TBC1D1: variants seen among roughly 807,000 people sequenced by gnomAD.
TBC1D1 encodes the protein TBC1 (tre-2/USP6, BUB2, cdc16) domain family, member 1.
Under a neutral mutation model 125.6 loss-of-function variants are expected in TBC1D1, and 89 were observed. The observed-to-expected ratio is 0.71, with a 90% CI of 0.60 to 0.85. The LOEUF (loss-of-function observed/expected upper bound fraction) is 0.85, where lower values mean the gene tolerates loss of function less well. Ranked by LOEUF, TBC1D1 falls within the 40% of genes least tolerant of loss-of-function variation. TBC1D1 has a pLI of 0.00. For missense variants in TBC1D1, 1,377 were observed against 1,469.2 expected, an observed-to-expected ratio of 0.94 and a Z score of 1.03; for synonymous variants, 565 against 564.1, an observed-to-expected ratio of 1.00 and a Z score of -0.02.
intron 8 of TBC1D1, among the ~76,000 whole-genome samples, chr4:38,042,983 C>T (rs898962428): frequency 2.6e-5 from 4 of 152,036 alleles, no homozygotes; most frequent in Admixed American, 1.3e-4. Context: ...CTCACTGCAA[C>T]CTCCGGCTTC....
At chr4:38,007,974 T>C (rs1264125887) in intron 2 of TBC1D1, among the ~76,000 whole-genome samples, 1 of 152,182 alleles carries the variant, frequency 6.6e-6, no homozygotes, top group African/African-American at 2.4e-5. Context: ...CTTTGAAAAC[T>C]GCGGGAGTGA....
chr4:38,002,865 T>A (rs1212326816), intron 2 of TBC1D1, among the ~76,000 whole-genome samples: 1 of 152,198 alleles, frequency 6.6e-6, no homozygotes, highest in Non-Finnish European at 1.5e-5. Context: ...GGTGATGTAA[T>A]CAAACTGAAA....
Position 37,995,647 on chromosome 4 carries a change from G to C in TBC1D1, c.418-18862G>C, listed in dbSNP as rs191059031. ...TGTCTTATCTCACTTTTGCACCAAC[G>C]CCTGGTAATCCATTACATGGGTCTC... On this transcript the variant is annotated intron_variant, in intron 2 of 19. Transcript: ENST00000261439. The surrounding 1 kb of genome is among the most constrained non-coding windows in gnomAD (Gnocchi z 4.3). 28 of 509,932 alleles carry C rather than the reference G, an allele frequency of 5.5e-5. No homozygotes were observed. In the Admixed American group the frequency reaches 5.5e-4, roughly 10 times the overall value. 31.6% of individuals were successfully genotyped at this position (509,932 alleles called of 1,614,324 possible).
chr4:38,083,213 G>A (rs1045869148), intron 12 of TBC1D1, among the ~76,000 whole-genome samples: 1 of 152,122 alleles, frequency 6.6e-6, no homozygotes, highest in Non-Finnish European at 1.5e-5. Context: ...GTATATATGA[G>A]ATCACTTTTG....
intron 12 of TBC1D1, among the ~76,000 whole-genome samples, chr4:38,071,172 T>A (rs1320854162): frequency 6.6e-6 from 1 of 152,182 alleles, no homozygotes; most frequent in Non-Finnish European, 1.5e-5. Flanking sequence ...CTCCTGTCCC[T>A]GCTCTTACTG....
chr4:38,066,499 A>G (rs1380800316), intron 12 of TBC1D1, among the ~76,000 whole-genome samples: 1 of 150,802 alleles, frequency 6.6e-6, no homozygotes, highest in Non-Finnish European at 1.5e-5. Flanking sequence ...GCCCTGCTAA[A>G]TGTTTACAGT....
chr4:37,931,587 C>T (rs995174426), intron 2 of TBC1D1, among the ~76,000 whole-genome samples: 2 of 152,034 alleles, frequency 1.3e-5, no homozygotes, highest in South Asian at 4.2e-4. Context: ...AAGCGATTCT[C>T]CTGCCTCAGC....
At chr4:38,100,355 C>T (rs1328850420) in intron 14 of TBC1D1, among the ~76,000 whole-genome samples, 1 of 152,204 alleles carries the variant, frequency 6.6e-6, no homozygotes, top group African/African-American at 2.4e-5. Flanking sequence ...CTTCTGGTGT[C>T]TGTCAGCTTC....
At chr4:38,097,432 C>G (rs111482116) in intron 14 of TBC1D1, among the ~76,000 whole-genome samples, 13,133 of 151,772 alleles carry the variant, frequency 0.087, 649 homozygotes, top group Admixed American at 0.14. Flanking sequence ...CTCTGCCTCC[C>G]GGGTTCACAC....
intron 2 of TBC1D1, among the ~76,000 whole-genome samples, chr4:37,916,980 A>G (rs1425674822): frequency 2.7e-5 from 4 of 150,760 alleles, no homozygotes; most frequent in African/African-American, 7.3e-5. Flanking sequence ...CATGTTGGCC[A>G]GGCTGGTCTT....
At chr4:38,076,123 A>G (rs1230230029) in intron 12 of TBC1D1, among the ~76,000 whole-genome samples, 1 of 152,220 alleles carries the variant, frequency 6.6e-6, no homozygotes, top group African/African-American at 2.4e-5. Context: ...GTTGACTCAC[A>G]GTTCAGCATG....
chr4:37,921,970 C>T (rs1037807161), intron 2 of TBC1D1, among the ~76,000 whole-genome samples: 7 of 152,124 alleles, frequency 4.6e-5, no homozygotes, highest in African/African-American at 1.7e-4. Context: ...CTCCTGGCCT[C>T]AAGCTATCCT....
At chr4:38,032,840 CAAAA>C (rs1228708927) in intron 7 of TBC1D1, among the ~76,000 whole-genome samples, 3 of 86,736 alleles carry the variant, frequency 3.5e-5, no homozygotes, top group South Asian at 4.3e-4. Flanking sequence ...GACTCCATCT[CAAAA>C]AAAAAAAAAA....
intron 8 of TBC1D1, among the ~76,000 whole-genome samples, chr4:38,038,854 G>T (rs1292581594): frequency 1.3e-5 from 2 of 151,698 alleles, no homozygotes; most frequent in Non-Finnish European, 2.9e-5. Context: ...GCTGAGGCAG[G>T]AGAATGGCAT....
chr4:38,126,711 G>A (rs1282531647), intron 18 of TBC1D1, among the ~76,000 whole-genome samples: 2 of 152,132 alleles, frequency 1.3e-5, no homozygotes, highest in African/African-American at 4.8e-5. Context: ...GGTTGGGTGG[G>A]CATCGAAATA....
intron 2 of TBC1D1, among the ~76,000 whole-genome samples, chr4:37,985,751 A>G (rs1379537045): frequency 1.3e-5 from 2 of 152,194 alleles, no homozygotes; most frequent in South Asian, 2.1e-4. Flanking sequence ...TGAGTAGGAC[A>G]TGGGCCCAGC....
At chr4:38,110,226 TG>T in intron 15 of TBC1D1, 1 of 985,368 alleles carries the variant, frequency 1.0e-6, no homozygotes, top group Non-Finnish European at 1.2e-6. Context: ...TGAGATGGGA[TG>T]GGGTTTCTCA....
intron 2 of TBC1D1, among the ~76,000 whole-genome samples, chr4:37,972,537 G>A (rs192406711): frequency 1.9e-3 from 293 of 151,756 alleles, no homozygotes; most frequent in African/African-American, 6.6e-3. Context: ...ATCCTTTCAG[G>A]GTAGCATATG....
chr4:38,083,533 C>T (rs1353109564), intron 12 of TBC1D1, among the ~76,000 whole-genome samples: 1 of 152,232 alleles, frequency 6.6e-6, no homozygotes, highest in African/African-American at 2.4e-5. Flanking sequence ...TGGTAGTTGA[C>T]ATTTTATTAA....
Sources: gnomAD v4.1 joint callset for allele counts (sites outside exome capture counted in the v4.1 genomes callset) on GRCh38, gnomAD v4.1.1 for gene constraint, Gnocchi (gnomAD v3.1) non-coding constraint, MANE v1.5 for transcripts, NCBI Gene and HGNC (gene_info 2026-07-23, HGNC 2026-07-21) for gene names.